Variants in STAU1 observed in about 807,000 individuals in gnomAD.
STAU1 encodes the protein staufen double-stranded RNA binding protein 1.
Under a neutral mutation model 62.9 loss-of-function variants are expected in STAU1, and 13 were observed. The ratio of observed to expected loss-of-function variants is 0.21; its 90% CI spans 0.13 to 0.33. The LOEUF (loss-of-function observed/expected upper bound fraction) is 0.33. Among genes scored for constraint, STAU1 ranks in the 10% least tolerant of loss-of-function variants. The probability of loss-of-function intolerance (pLI) is 1.00; values close to 1 mark genes in which losing one functional copy is unlikely to be tolerated. For synonymous variants in STAU1, 269 were observed against 265.1 expected (o/e 1.01, Z -0.14); for missense variants, 571 against 712.1 (o/e 0.80, Z 2.25).
chr20:49,131,905 T>C (rs769927185), intron 6 of STAU1, among the ~76,000 whole-genome samples: 5 of 152,122 alleles, frequency 3.3e-5, no homozygotes, highest in Non-Finnish European at 7.3e-5. Flanking sequence ...TAACCACTGG[T>C]TAATCTAAGT....
chr20:49,164,212 A>G (rs932123093), intron 3 of STAU1, among the ~76,000 whole-genome samples: 2 of 152,210 alleles, frequency 1.3e-5, no homozygotes, highest in East Asian at 1.9e-4. Context: ...CCTAAGCAAC[A>G]AAGTGAGACT....
chr20:49,120,192 T>C (rs1318275625), intron 8 of STAU1, 64 bp from the exon 9 acceptor site: 12 of 1,541,336 alleles, frequency 7.8e-6, no homozygotes, highest in African/African-American at 2.7e-5. Flanking sequence ...CAGGCAGGAA[T>C]TGGTGTGTCA....
the STAU1 span, among the ~76,000 whole-genome samples, chr20:49,202,831 A>G: frequency 6.6e-6 from 1 of 151,894 alleles, no homozygotes; most frequent in Non-Finnish European, 1.5e-5. Flanking sequence ...ACTTGAGGCC[A>G]GGAGTTTGAG....
chr20:49,200,994 A>G, the STAU1 span, among the ~76,000 whole-genome samples: 1 of 137,384 alleles, frequency 7.3e-6, no homozygotes, highest in Non-Finnish European at 1.5e-5. Flanking sequence ...AGCCGTGATC[A>G]TGCCACTGCA....
At position 49,162,788 on chromosome 20, in the gene STAU1, AAC is replaced by A. The variant is rs568989151; in HGVS notation, c.205+3207_205+3208del. On this transcript the variant is annotated intron_variant, in intron 3 of 13. Transcript: ENST00000371856. ...GAGACTCCGTCTCAAAAAAAAAAAA[AAC>A]AGATTTATAAAGTAAAGGAAATGAG... Among the ~76,000 whole-genome samples the A allele has an allele frequency of 3.9e-5, 6 of 152,044 alleles. No individual in the cohort carries two copies. In the South Asian group the frequency reaches 1.2e-3, roughly 32 times the overall value.
intron 1 of STAU1, among the ~76,000 whole-genome samples, chr20:49,176,434 G>C (rs1197504279): frequency 6.6e-6 from 1 of 152,242 alleles, no homozygotes; most frequent in South Asian, 2.1e-4. Context: ...TTAAATGGTA[G>C]TTGTCAGTAG....
Position 49,117,987 on chromosome 20 carries a change from T to G in STAU1, c.1299A>C (p.Gly433=). ...CCCTGGTAAAATCTTTGGTGTGATG[T>G]CCTTGACTAACTCCTACAGCCTGGG... ...EVAQAVGVSQ[G]HHTKDFTRAA... Residue 433 remains glycine, a synonymous_variant, in exon 11 of 14, where the codon GGA becomes GGC. Transcript: ENST00000371856. This position sits in a 1 kb window ranked among gnomAD's most constrained non-coding sequence, Gnocchi z 4.6. 1.9e-6 allele frequency: 3 copies of G among 1,614,230 alleles called. No homozygotes were observed. The highest frequency in any genetic ancestry group is 2.5e-6 in the Non-Finnish European group (3 of 1,180,048).
chr20:49,122,649 G>A (rs1243758022), intron 8 of STAU1, among the ~76,000 whole-genome samples: 1 of 152,202 alleles, frequency 6.6e-6, no homozygotes, highest in Non-Finnish European at 1.5e-5. Context: ...TGGGCGAGGT[G>A]GCTCACGCCT....
At chr20:49,181,232 C>T (rs1600889236) in intron 1 of STAU1, among the ~76,000 whole-genome samples, 1 of 152,108 alleles carries the variant, frequency 6.6e-6, no homozygotes, top group Admixed American at 6.6e-5. Flanking sequence ...TCAACCTGAC[C>T]TTTTAATTCC....
intron 3 of STAU1, among the ~76,000 whole-genome samples, chr20:49,162,575 C>T (rs998491228): frequency 6.6e-6 from 1 of 151,754 alleles, no homozygotes; most frequent in Non-Finnish European, 1.5e-5. Context: ...AAGATCAAAA[C>T]CATCCTGGCT....
chr20:49,150,003 T>A (rs1048789641), intron 5 of STAU1, among the ~76,000 whole-genome samples: 1 of 152,210 alleles, frequency 6.6e-6, no homozygotes, highest in Admixed American at 6.5e-5. Flanking sequence ...CCAGAGATAT[T>A]TTCAGGTGGC....
intron 1 of STAU1, among the ~76,000 whole-genome samples, chr20:49,174,840 G>C (rs886407915): frequency 6.6e-6 from 1 of 151,510 alleles, no homozygotes; most frequent in Non-Finnish European, 1.5e-5. Context: ...GGGAGGCTGA[G>C]GCAGAATGGT....
At chr20:49,144,289 T>A (rs1314940899) in intron 5 of STAU1, among the ~76,000 whole-genome samples, 1 of 3,960 alleles carries the variant, frequency 2.5e-4, no homozygotes, top group African/African-American at 6.2e-3. Context: ...TCACACGTAC[T>A]TTTTTTTTTT....
intron 4 of STAU1, among the ~76,000 whole-genome samples, chr20:49,153,402 TAAA>T (rs34795501): frequency 7.7e-6 from 1 of 129,844 alleles, no homozygotes. Context: ...CTCAATGAAT[TAAA>T]AAAAAAAAAA....
intron 1 of STAU1, among the ~76,000 whole-genome samples, chr20:49,181,872 A>G (rs185923374): frequency 2.1e-4 from 32 of 151,578 alleles, no homozygotes; most frequent in Admixed American, 2.0e-3. Context: ...ATGTATTTAA[A>G]TAGATTTTCT....
At chr20:49,158,014 G>C (rs556624571) in intron 3 of STAU1, among the ~76,000 whole-genome samples, 10 of 151,748 alleles carry the variant, frequency 6.6e-5, no homozygotes, top group African/African-American at 2.2e-4. Flanking sequence ...GGGTGTGGTG[G>C]CTCACAACTG....
chr20:49,175,351 T>C (rs2093646027), intron 1 of STAU1, among the ~76,000 whole-genome samples: 1 of 151,526 alleles, frequency 6.6e-6, no homozygotes. Flanking sequence ...AAAGACACAA[T>C]TGCCTGGAAG....
intron 5 of STAU1, among the ~76,000 whole-genome samples, chr20:49,145,249 C>A (rs1292669846): frequency 6.6e-6 from 1 of 150,740 alleles, no homozygotes. Context: ...CATGGTGAAA[C>A]CCCATCTCTA....
At chr20:49,116,872 C>T (rs146723828) in intron 12 of STAU1, among the ~76,000 whole-genome samples, 181 of 152,264 alleles carry the variant, frequency 1.2e-3, no homozygotes, top group African/African-American at 4.2e-3. Context: ...ATCCCAGTTG[C>T]CCCTCCAGGC....
Sources: gnomAD v4.1 joint callset for allele counts (sites outside exome capture counted in the v4.1 genomes callset) on GRCh38, gnomAD v4.1.1 for gene constraint, Gnocchi (gnomAD v3.1) non-coding constraint, MANE v1.5 for transcripts, NCBI Gene and HGNC (gene_info 2026-07-23, HGNC 2026-07-21) for gene names.